Variants in CELF2 observed in about 807,000 individuals in gnomAD.
CELF2 encodes the protein CUG triplet repeat RNA-binding protein 2.
Under a neutral mutation model 62.6 loss-of-function variants are expected in CELF2, and 8 were observed. That is an observed-to-expected ratio of 0.13 (90% CI 0.07 to 0.23). The LOEUF is 0.23. Among genes scored for constraint, CELF2 ranks in the 10% least tolerant of loss-of-function variants. The pLI, the probability that CELF2 is intolerant of heterozygous loss-of-function variation, is 1.00. For missense variants in CELF2, 333 were observed against 671.0 expected (o/e 0.50, Z 5.56); for synonymous variants, 258 against 250.0 (o/e 1.03, Z -0.30).
intron 1 of CELF2, among the ~76,000 whole-genome samples, chr10:11,119,232 A>G (rs1203939013): frequency 6.6e-6 from 1 of 152,222 alleles, no homozygotes; most frequent in African/African-American, 2.4e-5. Context: ...AAACTTGAGC[A>G]TATTTAAGAG....
chr10:10,541,519 G>C, the CELF2 span, among the ~76,000 whole-genome samples: 49,802 of 152,070 alleles, frequency 0.33, 8,876 homozygotes, highest in Middle Eastern at 0.41. Context: ...GCTAAACAAA[G>C]GGTGGGTTAT....
intron 1 of CELF2, among the ~76,000 whole-genome samples, chr10:11,058,442 C>CTGTTGGTTT (rs1564556987): frequency 2.1e-5 from 3 of 144,864 alleles, no homozygotes; most frequent in African/African-American, 7.6e-5. Flanking sequence ...AGGTGAGGTA[C>CTGTTGGTTT]TGTTGGTTTT....
chr10:11,096,161 C>T (rs904661224), intron 1 of CELF2: 5 of 152,216 alleles, frequency 3.3e-5, no homozygotes, highest in Non-Finnish European at 7.3e-5. Context: ...CTCTGAACAA[C>T]TAAAGCTTAA....
At chr10:10,914,265 G>A (rs1459368601) in intron 1 of CELF2, among the ~76,000 whole-genome samples, 3 of 152,066 alleles carry the variant, frequency 2.0e-5, no homozygotes, top group Non-Finnish European at 4.4e-5. Context: ...GTGTTTTACA[G>A]TTGTCAGCTA....
At chr10:11,116,578 A>T (rs915607727) in intron 1 of CELF2, among the ~76,000 whole-genome samples, 3 of 152,196 alleles carry the variant, frequency 2.0e-5, no homozygotes, top group Non-Finnish European at 4.4e-5. Flanking sequence ...ACTTGGCAAA[A>T]TCAGTTGGTG....
intron 2 of CELF2, among the ~76,000 whole-genome samples, chr10:10,998,193 C>A (rs895503549): frequency 1.3e-5 from 2 of 152,156 alleles, no homozygotes; most frequent in Non-Finnish European, 2.9e-5. Context: ...TCATTAGCAG[C>A]GTGAGAACAG....
At chr10:11,241,027 C>T (rs758361571) in intron 3 of CELF2, among the ~76,000 whole-genome samples, 34 of 151,928 alleles carry the variant, frequency 2.2e-4, no homozygotes, top group Non-Finnish European at 3.7e-4. Context: ...TCATAGGTAC[C>T]GATTTCTGGG....
chr10:10,616,719 T>TGTGTGTGTGTGA, the CELF2 span, among the ~76,000 whole-genome samples: 4 of 55,142 alleles, frequency 7.3e-5, no homozygotes, highest in South Asian at 7.8e-4. Context: ...TGTGTGTGTG[T>TGTGTGTGTGTGA]GAGAGAGAGA....
intron 2 of CELF2, among the ~76,000 whole-genome samples, chr10:10,939,663 G>A (rs1414272613): frequency 6.6e-6 from 1 of 151,842 alleles, no homozygotes; most frequent in Non-Finnish European, 1.5e-5. Flanking sequence ...AAACAGAATC[G>A]GAAAAGCCAG....
chr10:10,944,151 C>A (rs1323637683), intron 2 of CELF2: 1 of 152,640 alleles, frequency 6.6e-6, no homozygotes, highest in Admixed American at 6.5e-5. Context: ...TACCCCACCA[C>A]AAAAACTTTA....
rs527716054 is a variant in CELF2 at position 10,853,801 on chromosome 10, G to A, written c.53+54984G>A. On this transcript the variant is annotated intron_variant, in intron 1 of 13. Coordinates refer to the CELF2 transcript ENST00000636488. Reference sequence around the variant, plus strand: ...ACTACGCACAGTGTAGGAGGGGTGGGATCCTCCGAGAAAATCAGGAAGCCA... The same window carrying A: ...ACTACGCACAGTGTAGGAGGGGTGGAATCCTCCGAGAAAATCAGGAAGCCA... Among the ~76,000 whole-genome samples, 398 of 152,134 alleles carry A rather than the reference G, an allele frequency of 2.6e-3. 2 individuals carry two copies. The highest frequency in any genetic ancestry group is 4.8e-3 in the Admixed American group (73 of 15,270).
intron 1 of CELF2, among the ~76,000 whole-genome samples, chr10:10,819,698 C>T (rs759658478): frequency 1.3e-5 from 2 of 152,154 alleles, no homozygotes; most frequent in African/African-American, 2.4e-5. Flanking sequence ...CCTCTGCTCT[C>T]CAAGATGTCA....
chr10:11,089,073 C>T (rs2047600427), intron 1 of CELF2, among the ~76,000 whole-genome samples: 1 of 152,160 alleles, frequency 6.6e-6, no homozygotes. Context: ...AGCCTAGCCT[C>T]AAAAGTTGAA....
the CELF2 span, among the ~76,000 whole-genome samples, chr10:10,650,144 C>A: frequency 6.6e-6 from 1 of 152,122 alleles, no homozygotes; most frequent in African/African-American, 2.4e-5. Flanking sequence ...TTCGACCTGT[C>A]CCTTCGTAGT....
intron 1 of CELF2, among the ~76,000 whole-genome samples, chr10:10,881,888 T>A (rs2224693): frequency 0.62 from 94,017 of 152,114 alleles, 30,529 homozygotes; most frequent in East Asian, 0.97. Flanking sequence ...CTTCAATATG[T>A]TCCATCTTGT....
At chr10:10,839,464 G>A (rs181350593) in intron 1 of CELF2, among the ~76,000 whole-genome samples, 17 of 152,220 alleles carry the variant, frequency 1.1e-4, no homozygotes, top group East Asian at 1.9e-4. Flanking sequence ...TCAATTTCAC[G>A]TGTATAGTGG....
the CELF2 span, among the ~76,000 whole-genome samples, chr10:10,641,711 A>C: frequency 6.6e-6 from 1 of 152,172 alleles, no homozygotes; most frequent in Non-Finnish European, 1.5e-5. Flanking sequence ...GGCCTCCCAA[A>C]GTGCTGGGAT....
chr10:10,750,381 C>A, the CELF2 span, among the ~76,000 whole-genome samples: 3 of 151,938 alleles, frequency 2.0e-5, no homozygotes, highest in Admixed American at 6.6e-5. Flanking sequence ...TTGGTTAGAG[C>A]TCTTGGGGAA....
At chr10:10,950,511 G>A (rs1160555500) in intron 2 of CELF2, among the ~76,000 whole-genome samples, 1 of 152,090 alleles carries the variant, frequency 6.6e-6, no homozygotes, top group Non-Finnish European at 1.5e-5. Context: ...TGTGCGAGGG[G>A]ATACGTATGA....
Sources: gnomAD v4.1 joint callset for allele counts (sites outside exome capture counted in the v4.1 genomes callset) on GRCh38, gnomAD v4.1.1 for gene constraint, MANE v1.5 for transcripts, NCBI Gene and HGNC (gene_info 2026-07-23, HGNC 2026-07-21) for gene names.